WBP2NL: variants seen among roughly 807,000 people sequenced by gnomAD.
The protein encoded by WBP2NL is WBP2 N-terminal like.
Under a neutral mutation model 23.3 loss-of-function variants are expected in WBP2NL, and 27 were observed. The ratio of observed to expected loss-of-function variants is 1.16; its 90% CI spans 0.85 to 1.60. The LOEUF is 1.60. Ranked by LOEUF, WBP2NL falls within the 40% of genes most tolerant of loss-of-function variation. The pLI, the probability that WBP2NL is intolerant of heterozygous loss-of-function variation, is 0.00. For missense variants in WBP2NL, 370 were observed against 389.5 expected (o/e 0.95, Z 0.42); for synonymous variants, 151 against 145.9 (o/e 1.03, Z -0.25).
At chr22:42,022,087 A>G (rs1924032457) in intron 4 of WBP2NL, among the ~76,000 whole-genome samples, 162 bp from the exon 5 acceptor site, 1 of 152,178 alleles carries the variant, frequency 6.6e-6, no homozygotes, top group Non-Finnish European at 1.5e-5. Flanking sequence ...GGTGTGAGCC[A>G]CTTCACCCAG....
downstream of WBP2NL, among the ~76,000 whole-genome samples, chr22:42,035,535 T>G (rs1343217434): frequency 6.6e-6 from 1 of 152,262 alleles, no homozygotes; most frequent in African/African-American, 2.4e-5. Flanking sequence ...CCATGCCTAG[T>G]TGCTGCAGCC....
intron 1 of WBP2NL, among the ~76,000 whole-genome samples, chr22:42,008,048 A>G (rs556917963): frequency 2.0e-5 from 3 of 148,624 alleles, no homozygotes; most frequent in Non-Finnish European, 3.0e-5. Context: ...GTTTCTCCAC[A>G]TCCTCACCAA....
At chr22:42,005,083 G>A (rs1463093387) in intron 1 of WBP2NL, among the ~76,000 whole-genome samples, 1 of 151,792 alleles carries the variant, frequency 6.6e-6, no homozygotes. Flanking sequence ...CAGGCGTGGT[G>A]GTGCGTGCCT....
At position 42,026,856 on chromosome 22, in the gene WBP2NL, GA is replaced by G; in HGVS notation, c.608del (p.Asn203MetfsTer34). 1 of 1,612,658 alleles carries G rather than the reference GA, an allele frequency of 6.2e-7. No homozygotes were observed. The highest frequency in any genetic ancestry group is 8.5e-7 in the Non-Finnish European group (1 of 1,179,638). On this transcript the variant is annotated frameshift_variant, in exon 6 of 6. Transcript: ENST00000328823. LOFTEE classifies it low-confidence loss of function (END_TRUNC). ...GCAGGATATGGAGCCCAACCCGTAGGAAATGAAGGCCCGCCTGTGGGATACA... is the reference window on the plus strand; with the variant it reads ...GCAGGATATGGAGCCCAACCCGTAGGAATGAAGGCCCGCCTGTGGGATACA... Reference protein sequence around the residue: ...PPAGYGAQPVGNEGPPVGYRA... With the variant: ...PPAGYGAQPVXNEGPPVGYRA...
chr22:42,036,343 T>G (rs755200973), downstream of WBP2NL, among the ~76,000 whole-genome samples: 3 of 152,086 alleles, frequency 2.0e-5, no homozygotes, highest in Non-Finnish European at 4.4e-5. Flanking sequence ...CCCGGCTAAT[T>G]TTTTTTACTT....
chr22:42,048,192 C>A (rs750596436), intron 8 of WBP2NL, among the ~76,000 whole-genome samples: 1 of 151,044 alleles, frequency 6.6e-6, no homozygotes, highest in Non-Finnish European at 1.5e-5. Flanking sequence ...GAGGCCAAGG[C>A]GGGCAGATCA....
chr22:42,027,945 A>G lies in WBP2NL; in HGVS notation c.*764A>G. 2.5e-6 allele frequency: 1 copy of G among 398,474 alleles called. No individual in the cohort carries two copies. The highest frequency in any genetic ancestry group is 4.4e-6 in the Non-Finnish European group (1 of 225,996). The allele number at this position is 398,474 out of a possible 1,614,324, so 24.7% of individuals were successfully genotyped here. ...AACGTTTGAAAAGATGTTCAGCTTG[A>G]CTAGTGTTAGGGAAATGCAACCTGA... is the stretch of plus-strand genomic sequence containing the variant. On this transcript the variant is annotated 3_prime_UTR_variant, in exon 6 of 6. Transcript: ENST00000328823.
intron 1 of WBP2NL, chr22:42,001,720 G>A: frequency 8.3e-7 from 1 of 1,198,858 alleles, no homozygotes; most frequent in East Asian, 2.3e-5. Flanking sequence ...GAGCCTGGGT[G>A]GGGGAAGTAT....
At chr22:42,018,176 C>T (rs2146783363) in intron 1 of WBP2NL, among the ~76,000 whole-genome samples, 5 of 148,064 alleles carry the variant, frequency 3.4e-5, no homozygotes, top group African/African-American at 1.0e-4. Flanking sequence ...ATTAGCCAGG[C>T]GTGGTGGTGC....
chr22:42,002,024 T>C, intron 1 of WBP2NL: 1 of 603,710 alleles, frequency 1.7e-6, no homozygotes, highest in Non-Finnish European at 2.6e-6. Flanking sequence ...CGGCTTTGAC[T>C]CCGGGGCTGA....
chr22:42,011,321 A>G lies in WBP2NL; in HGVS notation c.63-7990A>G, dbSNP rs868621806. 2.0e-5 allele frequency among the ~76,000 whole-genome samples: 3 copies of G among 152,096 alleles called. No homozygotes were observed. In the South Asian group the frequency reaches 6.2e-4, roughly 32 times the overall value. On this transcript the variant is annotated intron_variant, in intron 1 of 5. Coordinates refer to ENST00000328823, the MANE Select transcript of WBP2NL (RefSeq NM_152613.3). The stretch of plus-strand genomic sequence containing the variant: ...TGGAGTGCAGTGATGTGACATGATC[A>G]CAGCTTACTGCTGCCTCAATCTCCG...
intron 1 of WBP2NL, among the ~76,000 whole-genome samples, chr22:42,004,566 C>T (rs1922026086): frequency 6.6e-6 from 1 of 151,950 alleles, no homozygotes; most frequent in South Asian, 2.1e-4. Flanking sequence ...TGCACTCCAG[C>T]CTCCAGCCTG....
At chr22:42,038,846 C>G (rs549001910) in intron 8 of WBP2NL, among the ~76,000 whole-genome samples, 1 of 152,128 alleles carries the variant, frequency 6.6e-6, no homozygotes, top group East Asian at 1.9e-4. Context: ...TCAGGTGATA[C>G]ACCCACCTCG....
At chr22:42,015,590 A>G (rs1278162854) in intron 1 of WBP2NL, among the ~76,000 whole-genome samples, 1 of 151,930 alleles carries the variant, frequency 6.6e-6, no homozygotes, top group Non-Finnish European at 1.5e-5. Flanking sequence ...TTTAATAAAG[A>G]TGGGATTTTG....
downstream of WBP2NL, chr22:42,031,682 G>A (rs1469902403): frequency 6.6e-6 from 1 of 151,584 alleles, no homozygotes; most frequent in African/African-American, 2.4e-5. Flanking sequence ...TATAGTTGGT[G>A]TGATTTTCCT....
chr22:42,015,000 C>T (rs1393646051), intron 1 of WBP2NL, among the ~76,000 whole-genome samples: 1 of 152,072 alleles, frequency 6.6e-6, no homozygotes, highest in Non-Finnish European at 1.5e-5. Context: ...TTATTTTGTT[C>T]CTGTGTATTC....
chr22:42,019,692 G>A lies in WBP2NL; in HGVS notation c.202G>A (p.Asp68Asn). 6.2e-7 allele frequency: 1 copy of A among 1,614,122 alleles called. No individual in the cohort carries two copies. The highest frequency in any genetic ancestry group is 1.1e-5 in the South Asian group (1 of 91,080). The change falls in exon 3 of 6, where the codon GAT (aspartate) becomes AAT (asparagine). Residue 68 changes from aspartate to asparagine, a missense_variant. By Grantham distance (23) the Asp-to-Asn change is conservative. Coordinates refer to ENST00000328823, the MANE Select transcript of WBP2NL (RefSeq NM_152613.3). The part of the protein sequence containing the change: ...VIFITSCSIS[D>N]PMLSFMMPFD... ...TTTCATAACTTCATGCTCCATCAGT[G>A]ATCCCATGTTGTCTTTTATGATGCC...
At chr22:42,025,930 A>G (rs1210178638) in intron 5 of WBP2NL, among the ~76,000 whole-genome samples, 1 of 152,336 alleles carries the variant, frequency 6.6e-6, no homozygotes, top group Admixed American at 6.5e-5. Context: ...TAAATTAACA[A>G]TATGAAGACA....
intron 8 of WBP2NL, among the ~76,000 whole-genome samples, chr22:42,049,767 A>G (rs1229728982): frequency 6.6e-6 from 1 of 151,212 alleles, no homozygotes; most frequent in Non-Finnish European, 1.5e-5. Flanking sequence ...GTCTTTAGAA[A>G]CAACATCAAA....
Sources: gnomAD v4.1 joint callset for allele counts (sites outside exome capture counted in the v4.1 genomes callset) on GRCh38, gnomAD v4.1.1 for gene constraint, MANE v1.5 for transcripts, NCBI Gene and HGNC (gene_info 2026-07-23, HGNC 2026-07-21) for gene names.